GLG1: variants seen among roughly 807,000 people sequenced by gnomAD.
The protein encoded by GLG1 is Golgi apparatus protein 1.
A neutral mutation model predicts 160.5 loss-of-function variants in GLG1; 38 were observed. The observed-to-expected ratio is 0.24, with a 90% CI of 0.18 to 0.31. The LOEUF (loss-of-function observed/expected upper bound fraction) is 0.31. Ranked by LOEUF, GLG1 falls within the 10% of genes least tolerant of loss-of-function variation. The pLI, the probability that GLG1 is intolerant of heterozygous loss-of-function variation, is 1.00. For missense variants in GLG1, 1,373 were observed against 1,505.2 expected (o/e 0.91, Z 1.45); for synonymous variants, 644 against 543.4 (o/e 1.19, Z -2.57).
At chr16:74,538,715 G>A (rs568495481) in intron 1 of GLG1, among the ~76,000 whole-genome samples, 3 of 137,724 alleles carry the variant, frequency 2.2e-5, no homozygotes, top group South Asian at 2.5e-4. Flanking sequence ...CAGGTCCAAC[G>A]GGAGATTTTG....
intron 11 of GLG1, among the ~76,000 whole-genome samples, chr16:74,477,904 T>G (rs1974892): frequency 6.6e-6 from 1 of 151,414 alleles, no homozygotes; most frequent in Non-Finnish European, 1.5e-5. Flanking sequence ...ACCCGGGAGG[T>G]GGACATTGTG....
At chr16:74,548,098 A>AC (rs374171771) in intron 1 of GLG1, among the ~76,000 whole-genome samples, 260 of 152,182 alleles carry the variant, frequency 1.7e-3, no homozygotes, top group Non-Finnish European at 3.0e-3. Flanking sequence ...CCCAGCTACT[A>AC]TTTTTTTGTA....
intron 6 of GLG1, 70 bp downstream of exon 6, chr16:74,494,690 C>G: frequency 1.4e-6 from 1 of 725,714 alleles, no homozygotes; most frequent in Non-Finnish European, 2.4e-6. Context: ...CAGGCGTGAG[C>G]CACCGTGTCT....
At chr16:74,481,354 C>T (rs1297093284) in intron 10 of GLG1, among the ~76,000 whole-genome samples, 2 of 152,158 alleles carry the variant, frequency 1.3e-5, no homozygotes, top group Non-Finnish European at 2.9e-5. Context: ...ATGCTTAATT[C>T]TGTCCATATT....
chr16:74,528,743 C>T lies in GLG1; in HGVS notation c.471+3378G>A, dbSNP rs529983627. On this transcript the variant is annotated intron_variant, in intron 2 of 25. Coordinates refer to ENST00000422840, the MANE Select transcript of GLG1 (RefSeq NM_001145667.2). ...AGGAGAATCACTTCAACCCCAGAGG[C>T]GGAAGTTTCAGTGAGCCGAGATCAC... Among the ~76,000 whole-genome samples, 328 of 122,142 alleles carry T rather than the reference C, an allele frequency of 2.7e-3. 1 individual carries two copies. The highest frequency in any genetic ancestry group is 0.018 in the South Asian group (68 of 3,690). 80.1% of individuals were successfully genotyped at this position (122,142 alleles called of 152,430 possible).
intron 8 of GLG1, among the ~76,000 whole-genome samples, chr16:74,489,483 A>C (rs1377337144): frequency 6.6e-6 from 1 of 151,740 alleles, no homozygotes. Flanking sequence ...AAAAAAAAAA[A>C]GGTAGGTTCA....
At chr16:74,551,470 A>ATT (rs10570582) in intron 1 of GLG1, among the ~76,000 whole-genome samples, 53,764 of 128,096 alleles carry the variant, frequency 0.42, 11,385 homozygotes, top group South Asian at 0.54. Context: ...ATGTCTGGCT[A>ATT]TTTTTTTTTT....
At chr16:74,531,067 T>C (rs571148630) in intron 2 of GLG1, among the ~76,000 whole-genome samples, 11 of 152,350 alleles carry the variant, frequency 7.2e-5, no homozygotes, top group Non-Finnish European at 1.2e-4. Flanking sequence ...TAGATGCAGA[T>C]ATATATTTTT....
chr16:74,510,978 G>C, intron 2 of GLG1, among the ~76,000 whole-genome samples: 1 of 152,248 alleles, frequency 6.6e-6, no homozygotes, highest in East Asian at 1.9e-4. Context: ...CAAGGGTAGG[G>C]AGAAGACTTT....
chr16:74,517,909 GACAA>G (rs1480484677), intron 2 of GLG1, among the ~76,000 whole-genome samples: 3 of 152,002 alleles, frequency 2.0e-5, no homozygotes, highest in Non-Finnish European at 1.5e-5. Flanking sequence ...ATCAATAACA[GACAA>G]ACAGAGAGCC....
At chr16:74,525,777 T>C (rs536394139) in intron 2 of GLG1, among the ~76,000 whole-genome samples, 6 of 150,052 alleles carry the variant, frequency 4.0e-5, no homozygotes, top group Non-Finnish European at 7.4e-5. Flanking sequence ...ATATATGATT[T>C]GTAAGTATTT....
At chr16:74,498,462 A>ATATATATATATATATATATATATATATAT (rs2016286958) in intron 4 of GLG1, among the ~76,000 whole-genome samples, 2 of 104,950 alleles carry the variant, frequency 1.9e-5, no homozygotes, top group African/African-American at 3.8e-5. Flanking sequence ...ATATATATAT[A>ATATATATATATATATATATATATATATAT]TATATTATAT....
rs2014152899 is a variant in GLG1 at position 74,448,452 on chromosome 16, G to A, written c.*4715C>T. 1 of 152,182 alleles carries A rather than the reference G, an allele frequency of 6.6e-6. No individual in the cohort carries two copies. Among genetic ancestry groups the A allele is most frequent in the Non-Finnish European group, 1.5e-5 (1 of 68,034 alleles). The allele number at this position is 152,182 out of a possible 1,614,324, so 9.4% of individuals were successfully genotyped here. A position where few individuals can be genotyped will look rare whatever the true frequency, so the allele number is the denominator to read the frequency against. The stretch of plus-strand genomic sequence containing the variant: ...AAAAGGAAGCATTCTGGCCTTTCAG[G>A]TTTTTCAAACTCACAAGATGTTGAA... On this transcript the variant is annotated 3_prime_UTR_variant, in exon 26 of 26. Transcript: ENST00000422840.
intron 8 of GLG1, among the ~76,000 whole-genome samples, chr16:74,488,161 A>C (rs2015858084): frequency 6.6e-6 from 1 of 152,124 alleles, no homozygotes; most frequent in Non-Finnish European, 1.5e-5. Flanking sequence ...CACTAAATCA[A>C]TCACCAAGCA....
intron 10 of GLG1, 115 bp from the exon 11 acceptor site, chr16:74,480,509 G>C (rs1301653715): frequency 1.5e-6 from 1 of 658,694 alleles, no homozygotes; most frequent in Admixed American, 3.0e-5. Flanking sequence ...CACTTCCAGG[G>C]GCGTGGAGAC....
At chr16:74,538,899 A>G (rs1354053055) in intron 1 of GLG1, among the ~76,000 whole-genome samples, 1 of 151,326 alleles carries the variant, frequency 6.6e-6, no homozygotes, top group East Asian at 2.0e-4. Context: ...GTATGGCAAT[A>G]AAGTCAGTCA....
intron 1 of GLG1, among the ~76,000 whole-genome samples, chr16:74,562,603 G>A (rs1219092984): frequency 6.6e-6 from 1 of 152,196 alleles, no homozygotes; most frequent in African/African-American, 2.4e-5. Context: ...GGGATTACAG[G>A]CATGCGCCAC....
At chr16:74,522,233 C>A (rs1256630818) in intron 2 of GLG1, among the ~76,000 whole-genome samples, 2 of 152,256 alleles carry the variant, frequency 1.3e-5, no homozygotes, top group African/African-American at 2.4e-5. Flanking sequence ...CGAGCTGCTA[C>A]AAATATTTAG....
chr16:74,498,718 A>G (rs1045659104), intron 4 of GLG1, among the ~76,000 whole-genome samples: 15 of 150,238 alleles, frequency 1.0e-4, no homozygotes, highest in African/African-American at 3.4e-4. Context: ...TTCAAAAATT[A>G]GGTGGGTGTG....
Sources: allele counts gnomAD v4.1 joint callset (sites outside exome capture counted in the v4.1 genomes callset), GRCh38; gene constraint gnomAD v4.1.1; transcripts MANE v1.5; gene names NCBI Gene and HGNC (gene_info 2026-07-23, HGNC 2026-07-21).